Variants in NRXN1 observed in about 807,000 individuals in gnomAD.
NRXN1 encodes the protein neurexin 1.
NRXN1 carries 39 observed loss-of-function variants against 150.9 expected under a neutral mutation model. The ratio of observed to expected loss-of-function variants is 0.26; its 90% CI spans 0.20 to 0.34. The LOEUF (loss-of-function observed/expected upper bound fraction) is 0.34, where lower values mean the gene tolerates loss of function less well. Among genes scored for constraint, NRXN1 ranks in the 10% least tolerant of loss-of-function variants. NRXN1 has a pLI of 1.00. For missense variants in NRXN1, 1,815 were observed against 1,949.9 expected, an observed-to-expected ratio of 0.93 and a Z score of 1.30; for synonymous variants, 924 against 757.0, an observed-to-expected ratio of 1.22 and a Z score of -3.62.
At chr2:50,994,540 G>C (rs999876335) in intron 2 of NRXN1, among the ~76,000 whole-genome samples, 2 of 151,982 alleles carry the variant, frequency 1.3e-5, no homozygotes, top group South Asian at 2.1e-4. Context: ...TTTATATCTA[G>C]TCTAAAGAAA....
intron 5 of NRXN1, among the ~76,000 whole-genome samples, chr2:50,869,938 A>G (rs1333077408): frequency 1.3e-5 from 2 of 152,046 alleles, no homozygotes; most frequent in Admixed American, 6.6e-5. Context: ...AGGGCTAAAT[A>G]CCATGACAAG....
intron 19 of NRXN1, among the ~76,000 whole-genome samples, chr2:50,088,792 C>T (rs1699156956): frequency 6.6e-6 from 1 of 152,050 alleles, no homozygotes; most frequent in South Asian, 2.1e-4. Flanking sequence ...CTGCCTCAAT[C>T]TCAGCTACCA....
chr2:49,983,390 G>A (rs1007468819), intron 21 of NRXN1, among the ~76,000 whole-genome samples: 24 of 152,154 alleles, frequency 1.6e-4, no homozygotes, highest in Admixed American at 9.8e-4. Context: ...GCTGTATGTT[G>A]GGTAAAAATG....
chr2:50,240,178 C>T (rs2152884702), intron 17 of NRXN1, among the ~76,000 whole-genome samples: 1 of 151,792 alleles, frequency 6.6e-6, no homozygotes, highest in East Asian at 1.9e-4. Context: ...AATGACTTTA[C>T]AGTTTTTTAG....
chr2:50,612,091 T>C (rs1040389538), intron 8 of NRXN1, among the ~76,000 whole-genome samples: 1 of 152,190 alleles, frequency 6.6e-6, no homozygotes, highest in Non-Finnish European at 1.5e-5. Context: ...AGAGTGGCAG[T>C]TACGGGCAAG....
intron 17 of NRXN1, among the ~76,000 whole-genome samples, chr2:50,303,870 C>G (rs1207681945): frequency 6.6e-6 from 1 of 152,042 alleles, no homozygotes; most frequent in Non-Finnish European, 1.5e-5. Flanking sequence ...TTGACCTCCT[C>G]TGTGTATTTG....
At chr2:50,001,194 T>G (rs6706472) in intron 21 of NRXN1, among the ~76,000 whole-genome samples, 1 of 151,974 alleles carries the variant, frequency 6.6e-6, no homozygotes, top group African/African-American at 2.4e-5. Context: ...CAGATTTCAG[T>G]GTCCTTATCA....
intron 12 of NRXN1, among the ~76,000 whole-genome samples, chr2:50,508,775 A>G (rs544143932): frequency 5.9e-5 from 9 of 152,332 alleles, no homozygotes; most frequent in African/African-American, 2.2e-4. Context: ...CCAATTAAAA[A>G]TAACCCTTTG....
In NRXN1 at chr2:50,864,340, T is replaced by C. The variant is rs1042269673; in HGVS notation, c.832+57529A>G. Among the ~76,000 whole-genome samples the C allele has an allele frequency of 3.3e-5, 5 of 152,044 alleles. No homozygotes were observed. In the East Asian group the frequency reaches 9.7e-4, roughly 29 times the overall value. On this transcript the variant is annotated intron_variant, in intron 5 of 22. Transcript: ENST00000401669. ...AACACACACATGAACTTCAGCCTGA[T>C]TTCAAGCTCCCTGAATTTATAGGAA...
intron 5 of NRXN1, among the ~76,000 whole-genome samples, chr2:50,892,896 T>C (rs1206052456): frequency 6.6e-6 from 1 of 152,142 alleles, no homozygotes; most frequent in Non-Finnish European, 1.5e-5. Flanking sequence ...CAACAAATAA[T>C]ACTTGCAAGA....
At chr2:50,693,208 A>T (rs1692318577) in intron 5 of NRXN1, among the ~76,000 whole-genome samples, 1 of 152,200 alleles carries the variant, frequency 6.6e-6, no homozygotes, top group South Asian at 2.1e-4. Flanking sequence ...CAAAAGGAAA[A>T]ATATAGATCC....
At chr2:50,073,286 G>C (rs1168299982) in intron 19 of NRXN1, among the ~76,000 whole-genome samples, 1 of 152,118 alleles carries the variant, frequency 6.6e-6, no homozygotes, top group Non-Finnish European at 1.5e-5. Context: ...GTGTTCCAAG[G>C]GGGTAGTGAC....
At chr2:50,878,918 G>C (rs1304175004) in intron 5 of NRXN1, among the ~76,000 whole-genome samples, 2 of 151,938 alleles carry the variant, frequency 1.3e-5, no homozygotes, top group Non-Finnish European at 2.9e-5. Context: ...TTAACAAAAG[G>C]TGGGAGTAGT....
chr2:50,431,739 A>C (rs75996581), intron 17 of NRXN1, among the ~76,000 whole-genome samples: 4,374 of 152,326 alleles, frequency 0.029, 220 homozygotes, highest in African/African-American at 0.1. Context: ...GAATAGCTGC[A>C]ACAGAGGCTG....
intron 5 of NRXN1, among the ~76,000 whole-genome samples, chr2:50,850,770 C>T (rs868234696): frequency 2.6e-5 from 4 of 151,456 alleles, no homozygotes; most frequent in South Asian, 2.1e-4. Context: ...ATTTGAGTTG[C>T]GAAATCACTG....
chr2:50,232,314 A>T (rs976248380), intron 18 of NRXN1, among the ~76,000 whole-genome samples: 1 of 151,766 alleles, frequency 6.6e-6, no homozygotes, highest in Admixed American at 6.6e-5. Context: ...ATATTTCTGG[A>T]GAGGCTTCTA....
At chr2:50,188,653 C>A (rs188216398) in intron 18 of NRXN1, among the ~76,000 whole-genome samples, 55 of 151,408 alleles carry the variant, frequency 3.6e-4, no homozygotes, top group African/African-American at 1.3e-3. Flanking sequence ...CCAGAATCTA[C>A]AAGGAACTTA....
At chr2:49,967,445 A>T (rs1483359296) in intron 21 of NRXN1, among the ~76,000 whole-genome samples, 2 of 152,094 alleles carry the variant, frequency 1.3e-5, no homozygotes, top group African/African-American at 2.4e-5. Context: ...GAAAAATACA[A>T]CCACAACCAA....
chr2:50,696,855 A>G (rs1039850799), intron 5 of NRXN1, among the ~76,000 whole-genome samples: 5 of 152,224 alleles, frequency 3.3e-5, no homozygotes, highest in African/African-American at 4.8e-5. Context: ...TTCCTAGACC[A>G]TGTAATCACA....
Sources: gnomAD v4.1 joint callset for allele counts (sites outside exome capture counted in the v4.1 genomes callset) on GRCh38, gnomAD v4.1.1 for gene constraint, MANE v1.5 for transcripts, NCBI Gene and HGNC (gene_info 2026-07-23, HGNC 2026-07-21) for gene names.